FER: variants seen among roughly 807,000 people sequenced by gnomAD.
FER encodes the protein FER tyrosine kinase, also known as tyrosine-protein kinase Fer.
In FER, 63 loss-of-function variants were observed where a neutral mutation model predicts 111.0. The ratio of observed to expected loss-of-function variants is 0.57; its 90% CI spans 0.46 to 0.70. The LOEUF (loss-of-function observed/expected upper bound fraction) is 0.70, where lower values mean the gene tolerates loss of function less well. FER is among the 30% of genes least tolerant of loss of function. The pLI, the probability that FER is intolerant of heterozygous loss-of-function variation, is 0.00. For missense variants in FER, 914 were observed against 954.0 expected (o/e 0.96, Z 0.55); for synonymous variants, 327 against 313.9 (o/e 1.04, Z -0.44).
chr5:109,051,370 G>C (rs552411740), intron 16 of FER: 2 of 1,611,542 alleles, frequency 1.2e-6, no homozygotes, highest in African/African-American at 1.3e-5. Context: ...GGCTCTGCTT[G>C]AAGGTTGCTG....
At chr5:108,821,366 G>A (rs1164114958) in intron 3 of FER, among the ~76,000 whole-genome samples, 3 of 151,886 alleles carry the variant, frequency 2.0e-5, no homozygotes, top group Non-Finnish European at 4.4e-5. Context: ...GTATTTATAG[G>A]GGAAAATTTT....
chr5:109,091,514 A>G (rs1170841678), intron 16 of FER, among the ~76,000 whole-genome samples: 1 of 152,198 alleles, frequency 6.6e-6, no homozygotes, highest in Non-Finnish European at 1.5e-5. Flanking sequence ...GCAAAGAGCC[A>G]CCACAGAGAG....
intron 17 of FER, among the ~76,000 whole-genome samples, chr5:109,174,278 A>G (rs940444492): frequency 6.6e-6 from 1 of 152,170 alleles, no homozygotes; most frequent in African/African-American, 2.4e-5. Context: ...ATATTTATGT[A>G]TTCTGTTCAA....
At chr5:109,157,080 T>C (rs925160475) in intron 17 of FER, among the ~76,000 whole-genome samples, 12 of 152,122 alleles carry the variant, frequency 7.9e-5, no homozygotes, top group African/African-American at 2.9e-4. Flanking sequence ...TAGTGTTTTT[T>C]GAAAACTGCC....
intron 17 of FER, among the ~76,000 whole-genome samples, chr5:109,108,395 C>T (rs1210991787): frequency 6.6e-6 from 1 of 152,086 alleles, no homozygotes; most frequent in Non-Finnish European, 1.5e-5. Flanking sequence ...ATATGGATAT[C>T]CCTCTTATGA....
At chr5:109,141,336 A>G (rs1753502931) in intron 17 of FER, among the ~76,000 whole-genome samples, 2 of 152,228 alleles carry the variant, frequency 1.3e-5, no homozygotes, top group Non-Finnish European at 2.9e-5. Flanking sequence ...AAAATACTTG[A>G]AGATAAAGGC....
intron 16 of FER, among the ~76,000 whole-genome samples, chr5:109,094,662 A>G (rs1747260039): frequency 6.6e-6 from 1 of 152,208 alleles, no homozygotes; most frequent in Non-Finnish European, 1.5e-5. Flanking sequence ...GAAAGCAGCA[A>G]TAGACAATAT....
At chr5:108,756,305 G>C (rs987476726) in intron 1 of FER, among the ~76,000 whole-genome samples, 39 of 151,626 alleles carry the variant, frequency 2.6e-4, no homozygotes, top group African/African-American at 4.1e-4. Flanking sequence ...TTTTCACTAA[G>C]GTTTTAGAAA....
intron 5 of FER, among the ~76,000 whole-genome samples, chr5:108,856,733 C>T (rs1203947192): frequency 6.6e-6 from 1 of 152,112 alleles, no homozygotes; most frequent in South Asian, 2.1e-4. Flanking sequence ...CTTCCACACA[C>T]TCGACTAGTC....
intron 5 of FER, chr5:108,842,625 A>T (rs750343896): frequency 1.3e-5 from 2 of 152,224 alleles, no homozygotes; most frequent in Non-Finnish European, 2.9e-5. Flanking sequence ...ACAAATAGGT[A>T]ACAAACCTAT....
intron 10 of FER, among the ~76,000 whole-genome samples, chr5:108,914,799 A>G (rs1309727658): frequency 1.3e-5 from 2 of 152,236 alleles, no homozygotes; most frequent in Non-Finnish European, 2.9e-5. Flanking sequence ...AATTTGTGTA[A>G]GCCTAGCTCT....
rs1330400789 is a variant in FER, at chr5:108,929,806, G to A, written c.1237-16324G>A. Among the ~76,000 whole-genome samples the A allele has an allele frequency of 3.9e-5, 6 of 152,200 alleles. No homozygotes were observed. The East Asian group carries it at 1.2e-3, about 29-fold the overall frequency. Reference sequence around the variant, plus strand: ...AAAAACGTACAAAATACAGATAGAAGTAATTACAAAGCAGAGTCTCGTAGC... The same window carrying A: ...AAAAACGTACAAAATACAGATAGAAATAATTACAAAGCAGAGTCTCGTAGC... On this transcript the variant is annotated intron_variant, in intron 10 of 19. Coordinates refer to ENST00000281092, the MANE Select transcript of FER (RefSeq NM_005246.4).
intron 10 of FER, among the ~76,000 whole-genome samples, chr5:108,917,498 A>G (rs928824343): frequency 2.6e-5 from 4 of 152,120 alleles, no homozygotes; most frequent in Non-Finnish European, 1.5e-5. Flanking sequence ...AAATAATTTA[A>G]TTTTTGTTTG....
intron 2 of FER, among the ~76,000 whole-genome samples, chr5:108,795,394 CTTTTTTTT>C (rs1380392302): frequency 8.7e-6 from 1 of 114,648 alleles, no homozygotes; most frequent in Admixed American, 8.5e-5. Flanking sequence ...TTTTTGTTTT[CTTTTTTTT>C]TTTTTTATGT....
At chr5:108,842,897 TG>T (rs1761416367) in intron 5 of FER, 1 of 152,248 alleles carries the variant, frequency 6.6e-6, no homozygotes, top group Admixed American at 6.5e-5. Flanking sequence ...ATCCCACTAC[TG>T]GGTATCCACC....
chr5:108,749,436 C>A (rs1445080082), intron 1 of FER, among the ~76,000 whole-genome samples: 1 of 152,010 alleles, frequency 6.6e-6, no homozygotes, highest in African/African-American at 2.4e-5. Context: ...TGGGCACCAC[C>A]CAATCTTGCC....
At chr5:109,094,714 C>T (rs78895126) in intron 16 of FER, among the ~76,000 whole-genome samples, 5,194 of 152,216 alleles carry the variant, frequency 0.034, 143 homozygotes, top group South Asian at 0.084. Context: ...AAACTTTATT[C>T]ACAGAAACAG....
chr5:109,032,736 A>T (rs1202805608), intron 13 of FER, among the ~76,000 whole-genome samples: 3 of 152,232 alleles, frequency 2.0e-5, no homozygotes, highest in African/African-American at 7.2e-5. Flanking sequence ...TAAGGCCACC[A>T]AAATCTTTAT....
At chr5:108,754,527 C>T (rs1183245195) in intron 1 of FER, among the ~76,000 whole-genome samples, 1 of 151,750 alleles carries the variant, frequency 6.6e-6, no homozygotes, top group East Asian at 1.9e-4. Context: ...AGTGAATGCC[C>T]CTTTAGTTTT....
Sources: allele counts gnomAD v4.1 joint callset (sites outside exome capture counted in the v4.1 genomes callset), GRCh38; gene constraint gnomAD v4.1.1; transcripts MANE v1.5; gene names NCBI Gene and HGNC (gene_info 2026-07-23, HGNC 2026-07-21).